Variants in AUTS2 observed in about 807,000 individuals in gnomAD.
AUTS2 encodes the protein autism susceptibility gene 2 protein.
AUTS2 carries 17 observed loss-of-function variants against 112.4 expected under a neutral mutation model. That is an observed-to-expected ratio of 0.15 (90% CI 0.10 to 0.23). The LOEUF (loss-of-function observed/expected upper bound fraction) is 0.23, where lower values mean the gene tolerates loss of function less well. Among genes scored for constraint, AUTS2 ranks in the 10% least tolerant of loss-of-function variants. The pLI, the probability that AUTS2 is intolerant of heterozygous loss-of-function variation, is 1.00. For missense variants in AUTS2, 1,510 were observed against 1,701.6 expected (o/e 0.89, Z 1.98); for synonymous variants, 751 against 702.7 (o/e 1.07, Z -1.09).
At chr7:69,694,929 G>GTTTTCCTGGTTT (rs1797491683) in intron 1 of AUTS2, among the ~76,000 whole-genome samples, 1 of 152,160 alleles carries the variant, frequency 6.6e-6, no homozygotes, top group Admixed American at 6.5e-5. Context: ...TATAAAGCAG[G>GTTTTCCTGGTTT]AAAACCCCAC....
At chr7:70,107,203 A>C (rs1454875606) in intron 2 of AUTS2, among the ~76,000 whole-genome samples, 2 of 152,148 alleles carry the variant, frequency 1.3e-5, no homozygotes. Flanking sequence ...TCAAGAACAA[A>C]ATCAGTGATA....
At chr7:70,138,543 A>G (rs975886999) in intron 4 of AUTS2, among the ~76,000 whole-genome samples, 20 of 152,226 alleles carry the variant, frequency 1.3e-4, no homozygotes, top group African/African-American at 3.9e-4. Context: ...TCTTAGAACC[A>G]CAGCCTCAAA....
At chr7:70,105,333 C>T (rs1213550087) in intron 2 of AUTS2, among the ~76,000 whole-genome samples, 1 of 152,136 alleles carries the variant, frequency 6.6e-6, no homozygotes, top group African/African-American at 2.4e-5. Flanking sequence ...AATCATAGCT[C>T]ACTGCAGCCT....
At chr7:69,956,648 C>T (rs1286176409) in intron 2 of AUTS2, among the ~76,000 whole-genome samples, 1 of 152,058 alleles carries the variant, frequency 6.6e-6, no homozygotes, top group African/African-American at 2.4e-5. Flanking sequence ...GTTGCTGTTA[C>T]TTAATATCCG....
intron 5 of AUTS2, among the ~76,000 whole-genome samples, chr7:70,635,303 T>C (rs1297132604): frequency 6.6e-6 from 1 of 152,176 alleles, no homozygotes; most frequent in African/African-American, 2.4e-5. Context: ...CTTTGTGACT[T>C]ACCCCCTTGG....
intron 5 of AUTS2, among the ~76,000 whole-genome samples, chr7:70,571,406 C>A (rs944543239): frequency 6.6e-6 from 1 of 152,164 alleles, no homozygotes; most frequent in Non-Finnish European, 1.5e-5. Flanking sequence ...CCTAGCTGTG[C>A]CATATAACTC....
intron 5 of AUTS2, among the ~76,000 whole-genome samples, chr7:70,441,412 G>T (rs1448301848): frequency 1.3e-5 from 2 of 152,100 alleles, no homozygotes; most frequent in Non-Finnish European, 2.9e-5. Flanking sequence ...TAGAGACAGG[G>T]TCTCGCTCTG....
intron 5 of AUTS2, among the ~76,000 whole-genome samples, chr7:70,637,397 G>A (rs998768588): frequency 2.0e-5 from 3 of 152,204 alleles, no homozygotes; most frequent in African/African-American, 7.2e-5. Flanking sequence ...AACAGATGCT[G>A]CAAATCCAGA....
rs1289739320 is a variant in AUTS2 at position 69,798,420 on chromosome 7, C to G, written c.310-100866C>G. Among the ~76,000 whole-genome samples, 4 of 152,104 alleles carry G rather than the reference C, an allele frequency of 2.6e-5. No homozygotes were observed. The East Asian group carries it at 7.7e-4, about 29-fold the overall frequency. ...TCTTCAGGGTATTATTCTTTCAGTT[C>G]CATATGCCTTTCCTTTCCCCTGGGA... On this transcript the variant is annotated intron_variant, in intron 1 of 18. Coordinates refer to ENST00000342771, the MANE Select transcript of AUTS2 (RefSeq NM_015570.4).
At chr7:69,976,318 C>T (rs1798057690) in intron 2 of AUTS2, among the ~76,000 whole-genome samples, 1 of 152,218 alleles carries the variant, frequency 6.6e-6, no homozygotes, top group African/African-American at 2.4e-5. Context: ...CATGTTGTAG[C>T]ATGTGACAAG....
intron 4 of AUTS2, among the ~76,000 whole-genome samples, chr7:70,196,024 C>T (rs1000138311): frequency 6.6e-6 from 1 of 152,140 alleles, no homozygotes; most frequent in Non-Finnish European, 1.5e-5. Context: ...AGGTATTGGG[C>T]AGTAATGAAG....
intron 5 of AUTS2, among the ~76,000 whole-genome samples, chr7:70,483,354 CT>C (rs1162605286): frequency 6.6e-6 from 1 of 152,212 alleles, no homozygotes; most frequent in Admixed American, 6.5e-5. Context: ...AAGTTCCTGA[CT>C]TTCCTCATTG....
At chr7:70,753,135 T>C (rs1041370709) in intron 6 of AUTS2, among the ~76,000 whole-genome samples, 6 of 152,128 alleles carry the variant, frequency 3.9e-5, no homozygotes, top group African/African-American at 9.7e-5. Context: ...GATTAACCCC[T>C]ATCAGGGTTA....
At chr7:70,370,605 G>T (rs1327302827) in intron 4 of AUTS2, among the ~76,000 whole-genome samples, 1 of 152,090 alleles carries the variant, frequency 6.6e-6, no homozygotes, top group Non-Finnish European at 1.5e-5. Context: ...TGGGATTGTT[G>T]CTACTTTTTG....
chr7:70,064,196 AC>A (rs1196640543), intron 2 of AUTS2, among the ~76,000 whole-genome samples: 1 of 152,138 alleles, frequency 6.6e-6, no homozygotes, highest in Non-Finnish European at 1.5e-5. Flanking sequence ...GCTCGTGTAC[AC>A]CATGCTGATT....
chr7:70,347,674 G>T lies in AUTS2; in HGVS notation c.661-88078G>T, dbSNP rs112686258. On this transcript the variant is annotated intron_variant, in intron 4 of 18. Transcript: ENST00000342771. ...ACCTCATCTTTGCCAGCGGTGTGCA[G>T]CTGGCTTCCTAAAATCCACCCAGAG... Among the ~76,000 whole-genome samples the T allele has an allele frequency of 3.3e-5, 5 of 152,296 alleles. 1 individual carries two copies. Among genetic ancestry groups the T allele is most frequent in the Admixed American group, 1.3e-4 (2 of 15,300 alleles).
chr7:70,402,730 A>C (rs1794376440), intron 4 of AUTS2, among the ~76,000 whole-genome samples: 1 of 152,178 alleles, frequency 6.6e-6, no homozygotes, highest in African/African-American at 2.4e-5. Flanking sequence ...TCTGAGCTTC[A>C]GTCTCCAATT....
At chr7:70,161,865 T>G (rs904908909) in intron 4 of AUTS2, among the ~76,000 whole-genome samples, 2 of 152,096 alleles carry the variant, frequency 1.3e-5, no homozygotes, top group Non-Finnish European at 2.9e-5. Flanking sequence ...TAAAAGGAAT[T>G]ACAGGGGCAG....
intron 5 of AUTS2, among the ~76,000 whole-genome samples, chr7:70,565,384 A>G (rs779957305): frequency 1.3e-5 from 2 of 152,204 alleles, no homozygotes; most frequent in Non-Finnish European, 2.9e-5. Flanking sequence ...AAAAAGGAAT[A>G]GAAGGTTACT....
Sources: allele counts gnomAD v4.1 joint callset (sites outside exome capture counted in the v4.1 genomes callset), GRCh38; gene constraint gnomAD v4.1.1; transcripts MANE v1.5; gene names NCBI Gene and HGNC (gene_info 2026-07-23, HGNC 2026-07-21).